ADAMTS17: variants seen among roughly 807,000 people sequenced by gnomAD.
The protein encoded by ADAMTS17 is ADAM metallopeptidase with thrombospondin type 1 motif 17.
A neutral mutation model predicts 141.5 loss-of-function variants in ADAMTS17; 113 were observed. That is an observed-to-expected ratio of 0.80 (90% CI 0.69 to 0.93). The LOEUF (loss-of-function observed/expected upper bound fraction) is 0.93. ADAMTS17 is among the 40% of genes least tolerant of loss of function. ADAMTS17 has a pLI of 0.00. For missense variants in ADAMTS17, 1,659 were observed against 1,517.9 expected (o/e 1.09, Z -1.54); for synonymous variants, 768 against 630.6 (o/e 1.22, Z -3.27).
intron 4 of ADAMTS17, among the ~76,000 whole-genome samples, chr15:100,271,520 G>C (rs891807424): frequency 1.3e-4 from 20 of 151,252 alleles, no homozygotes; most frequent in Non-Finnish European, 2.4e-4. Context: ...GTACTTATTG[G>C]CTATTTGTAC....
chr15:100,142,897 G>A (rs756908797), intron 10 of ADAMTS17, among the ~76,000 whole-genome samples: 9 of 152,166 alleles, frequency 5.9e-5, no homozygotes, highest in African/African-American at 1.9e-4. Flanking sequence ...CTTAAACAGC[G>A]GCATAACATG....
At chr15:100,046,544 G>C (rs111402844) in intron 18 of ADAMTS17, among the ~76,000 whole-genome samples, 1 of 152,204 alleles carries the variant, frequency 6.6e-6, no homozygotes, top group Non-Finnish European at 1.5e-5. Flanking sequence ...AACCCCGAAC[G>C]GAGGGACCGG....
chr15:100,229,952 G>A (rs1321838103), intron 7 of ADAMTS17, among the ~76,000 whole-genome samples: 1 of 152,138 alleles, frequency 6.6e-6, no homozygotes, highest in Non-Finnish European at 1.5e-5. Flanking sequence ...AAGCCTGCCT[G>A]TGTTGGCCTC....
At chr15:100,172,179 G>A (rs1344803822) in intron 8 of ADAMTS17, among the ~76,000 whole-genome samples, 1 of 152,186 alleles carries the variant, frequency 6.6e-6, no homozygotes, top group Non-Finnish European at 1.5e-5. Context: ...CCCAAGTGTG[G>A]CTGCACAGTG....
In ADAMTS17 at chr15:100,330,925, C is replaced by T; in HGVS notation, c.580G>A (p.Ala194Thr). 6.2e-7 allele frequency: 1 copy of T among 1,614,106 alleles called. No homozygotes were observed. Among genetic ancestry groups the T allele is most frequent in the Non-Finnish European group, 8.5e-7 (1 of 1,180,022 alleles). The change falls in exon 3 of 22, where the codon GCC becomes ACC. Residue 194 changes from alanine to threonine, a missense_variant. Ala to Thr is a moderately conservative substitution (Grantham distance 58). Transcript: ENST00000268070. ...WSLTPSPSAEAQRPEQLCKVL... is the reference protein window; with the variant it reads ...WSLTPSPSAETQRPEQLCKVL... ...TTGCAGAGCTGCTCAGGTCTCTGGG[C>T]CTCAGCAGAAGGGCTGGGGGTCAAG... is the stretch of plus-strand genomic sequence containing the variant.
chr15:100,189,180 C>G lies in ADAMTS17; in HGVS notation c.1181+10138G>C, dbSNP rs146778934. On this transcript the variant is annotated intron_variant, in intron 8 of 21. Transcript: ENST00000268070. ...AGGCACGAGTTGAAGTCCTAGGGTG[C>G]CTCTCCACTGTGTGCAGCACCAAAT... Among the ~76,000 whole-genome samples the G allele has an allele frequency of 2.6e-3, 389 of 152,366 alleles. 4 individuals are homozygous for G. The highest frequency in any genetic ancestry group is 4.6e-3 in the Non-Finnish European group (313 of 68,036).
At chr15:100,019,556 C>A (rs141821681) in intron 18 of ADAMTS17, among the ~76,000 whole-genome samples, 5 of 152,304 alleles carry the variant, frequency 3.3e-5, no homozygotes, top group African/African-American at 9.6e-5. Flanking sequence ...CCACGGGCAA[C>A]TGAACATGTG....
chr15:100,290,192 CA>C (rs2044582832), intron 3 of ADAMTS17, among the ~76,000 whole-genome samples: 1 of 152,128 alleles, frequency 6.6e-6, no homozygotes, highest in East Asian at 1.9e-4. Context: ...GCACAAAAAT[CA>C]GTAGCATTTC....
chr15:100,176,600 T>C (rs1254193159), intron 8 of ADAMTS17, among the ~76,000 whole-genome samples: 3 of 152,232 alleles, frequency 2.0e-5, no homozygotes, highest in Admixed American at 6.5e-5. Flanking sequence ...GATTCTGACA[T>C]TGGGTACGAT....
At chr15:100,203,013 CAT>C (rs1346899991) in intron 7 of ADAMTS17, among the ~76,000 whole-genome samples, 2 of 152,170 alleles carry the variant, frequency 1.3e-5, no homozygotes. Context: ...CACATGTTTG[CAT>C]AGTTTCTCGT....
chr15:100,190,068 C>T (rs1239476677), intron 8 of ADAMTS17, among the ~76,000 whole-genome samples: 1 of 152,200 alleles, frequency 6.6e-6, no homozygotes, highest in Non-Finnish European at 1.5e-5. Context: ...TAGCAGAGGC[C>T]CTCTCAACAC....
At chr15:100,306,324 G>A (rs1044617534) in intron 3 of ADAMTS17, 11 of 366,678 alleles carry the variant, frequency 3.0e-5, no homozygotes, top group Non-Finnish European at 5.9e-5. Flanking sequence ...TTCTGAGGCT[G>A]ATCCTCAAAG....
intron 7 of ADAMTS17, among the ~76,000 whole-genome samples, chr15:100,253,653 T>A (rs1406601406): frequency 1.3e-5 from 2 of 152,052 alleles, no homozygotes; most frequent in Non-Finnish European, 2.9e-5. Flanking sequence ...AAAAAGCAAG[T>A]AGCCTGGCAC....
intron 7 of ADAMTS17, among the ~76,000 whole-genome samples, chr15:100,218,191 T>G (rs925520219): frequency 2.0e-5 from 3 of 152,174 alleles, no homozygotes; most frequent in African/African-American, 2.4e-5. Context: ...GATTTTAAAT[T>G]TTCTCACCAC....
chr15:100,225,873 C>T (rs965264810), intron 7 of ADAMTS17, among the ~76,000 whole-genome samples: 1 of 150,566 alleles, frequency 6.6e-6, no homozygotes, highest in African/African-American at 2.5e-5. Flanking sequence ...GCCTCTGCGC[C>T]ATTCAGTCCT....
intron 12 of ADAMTS17, among the ~76,000 whole-genome samples, chr15:100,118,299 G>A (rs766688901): frequency 9.2e-5 from 14 of 152,334 alleles, no homozygotes; most frequent in East Asian, 3.9e-4. Context: ...TTTGGCCCAC[G>A]GGCCTTACTT....
At chr15:100,047,050 A>T (rs572055914) in intron 18 of ADAMTS17, among the ~76,000 whole-genome samples, 13 of 152,114 alleles carry the variant, frequency 8.5e-5, no homozygotes, top group African/African-American at 2.7e-4. Context: ...AAAGAGAATG[A>T]GCCCCTGAGG....
intron 13 of ADAMTS17, among the ~76,000 whole-genome samples, chr15:100,113,878 G>C (rs1247134069): frequency 2.6e-5 from 4 of 152,206 alleles, no homozygotes; most frequent in African/African-American, 4.8e-5. Context: ...ACGTCCAGAC[G>C]CAGCCTTTGC....
intron 3 of ADAMTS17, among the ~76,000 whole-genome samples, chr15:100,324,002 A>G (rs1157805678): frequency 6.7e-6 from 1 of 149,004 alleles, no homozygotes; most frequent in Non-Finnish European, 1.5e-5. Flanking sequence ...CATCAGTCAC[A>G]TCCGTAAACG....
Sources: gnomAD v4.1 joint callset for allele counts (sites outside exome capture counted in the v4.1 genomes callset) on GRCh38, gnomAD v4.1.1 for gene constraint, MANE v1.5 for transcripts, NCBI Gene and HGNC (gene_info 2026-07-23, HGNC 2026-07-21) for gene names.